The following CCDC178 variants were observed in gnomAD, a reference collection of about 807,000 sequenced individuals.
CCDC178 encodes coiled-coil domain-containing protein 178.
CCDC178 carries 126 observed loss-of-function variants against 117.4 expected under a neutral mutation model. The ratio of observed to expected loss-of-function variants is 1.07; its 90% confidence interval spans 0.93 to 1.24. CCDC178 has a LOEUF of 1.24. Ranked by LOEUF, CCDC178 falls within the 50% of genes most tolerant of loss-of-function variation. CCDC178 has a pLI of 0.00. For synonymous variants in CCDC178, 283 were observed against 313.4 expected, an observed-to-expected ratio of 0.90 and a Z score of 1.02; for missense variants, 1,030 against 986.9, an observed-to-expected ratio of 1.04 and a Z score of -0.59.
intron 21 of CCDC178, among the ~76,000 whole-genome samples, chr18:33,014,348 A>C (rs969952798): frequency 6.6e-6 from 1 of 152,250 alleles, no homozygotes; most frequent in Non-Finnish European, 1.5e-5. Context: ...TACAATCAGT[A>C]GGAACTGTTT....
At chr18:33,330,728 G>T (rs1401981063) in intron 10 of CCDC178, among the ~76,000 whole-genome samples, 1 of 152,064 alleles carries the variant, frequency 6.6e-6, no homozygotes, top group Non-Finnish European at 1.5e-5. Context: ...AAGACCCAGG[G>T]AAAGGTTGCT....
chr18:33,276,348 C>A (rs746615453), intron 12 of CCDC178, among the ~76,000 whole-genome samples: 23 of 151,920 alleles, frequency 1.5e-4, no homozygotes, highest in Non-Finnish European at 2.5e-4. Flanking sequence ...ATCTGAAGTA[C>A]AATTTTAGGA....
At chr18:32,979,460 A>G (rs1386933164) in intron 21 of CCDC178, among the ~76,000 whole-genome samples, 1 of 152,148 alleles carries the variant, frequency 6.6e-6, no homozygotes, top group African/African-American at 2.4e-5. Flanking sequence ...CGCCCGGTCC[A>G]TTTTTATAAA....
At chr18:33,306,284 C>T (rs1420133261) in intron 11 of CCDC178, among the ~76,000 whole-genome samples, 3 of 151,934 alleles carry the variant, frequency 2.0e-5, no homozygotes, top group Non-Finnish European at 4.4e-5. Flanking sequence ...TTGGGAAAAA[C>T]AGTTTGGCCA....
chr18:32,950,434 A>G (rs931722390), intron 22 of CCDC178, among the ~76,000 whole-genome samples: 7 of 152,264 alleles, frequency 4.6e-5, no homozygotes, highest in Non-Finnish European at 8.8e-5. Flanking sequence ...TGGCTTGAAA[A>G]CTATTGTTCC....
intron 9 of CCDC178, among the ~76,000 whole-genome samples, chr18:33,344,719 A>G (rs1216892587): frequency 7.3e-5 from 11 of 151,378 alleles, no homozygotes; most frequent in African/African-American, 4.9e-5. Context: ...TGTTGTTGTG[A>G]ACAGAGTCTA....
intron 20 of CCDC178, among the ~76,000 whole-genome samples, chr18:33,180,016 G>T (rs1278888338): frequency 6.6e-6 from 1 of 151,742 alleles, no homozygotes; most frequent in Non-Finnish European, 1.5e-5. Context: ...TTAGACATTT[G>T]CTTGGAGGCT....
At chr18:33,125,925 T>TATAC (rs2057999071) in intron 20 of CCDC178, among the ~76,000 whole-genome samples, 1 of 152,188 alleles carries the variant, frequency 6.6e-6, no homozygotes, top group South Asian at 2.1e-4. Flanking sequence ...AATGCCTGCT[T>TATAC]ATACAGGCCA....
At chr18:33,348,767 T>C in intron 8 of CCDC178, 123 bp downstream of exon 8, 1 of 662,138 alleles carries the variant, frequency 1.5e-6, no homozygotes, top group Non-Finnish European at 2.6e-6. Flanking sequence ...ATTTTGTCTA[T>C]TAAACATTCA....
chr18:33,363,231 T>C (rs949739218), intron 6 of CCDC178, among the ~76,000 whole-genome samples: 1 of 151,988 alleles, frequency 6.6e-6, no homozygotes, highest in African/African-American at 2.4e-5. Context: ...TTTTGGGGCA[T>C]GGAAGTAAAC....
In CCDC178 at chr18:33,218,190, A is replaced by G. The variant is rs572942278; in HGVS notation, c.1933-2495T>C. Among the ~76,000 whole-genome samples, 15 of 152,134 alleles carry G rather than the reference A, an allele frequency of 9.9e-5. No homozygotes were observed. In the South Asian group the frequency reaches 3.1e-3, roughly 32 times the overall value. ...ACAAATCCTATTGGAACCACATTTG[A>G]CATACATCTAGAGGACATATTACTA... On this transcript the variant is annotated intron_variant, in intron 18 of 22. Coordinates refer to ENST00000383096, the MANE Select transcript of CCDC178 (RefSeq NM_001105528.4).
At chr18:33,211,188 C>A (rs532348605) in intron 20 of CCDC178, among the ~76,000 whole-genome samples, 3 of 151,638 alleles carry the variant, frequency 2.0e-5, no homozygotes, top group African/African-American at 7.3e-5. Flanking sequence ...TAAAATACTA[C>A]GGAAAATATT....
At chr18:33,326,840 A>T (rs933971472) in intron 10 of CCDC178, among the ~76,000 whole-genome samples, 1 of 151,810 alleles carries the variant, frequency 6.6e-6, no homozygotes, top group South Asian at 2.1e-4. Context: ...CCTCCCAGGT[A>T]TTGGGTTGTG....
rs71159828 is a variant in CCDC178 at position 33,388,519 on chromosome 18, A to ATTTTTTTTTTTTTTTTTTTTT, written c.208+1020_208+1021insAAAAAAAAAAAAAAAAAAAAA. On this transcript the variant is annotated intron_variant, in intron 5 of 22. Transcript: ENST00000383096. ...AAATGTGGTACATATACACCACGGA[A>ATTTTTTTTTTTTTTTTTTTTT]TTTTTTTTTTTTTTTTTTGAGACGG... is the stretch of plus-strand genomic sequence containing the variant. Among the ~76,000 whole-genome samples, 30 of 65,268 alleles carry ATTTTTTTTTTTTTTTTTTTTT rather than the reference A, an allele frequency of 4.6e-4. 11 individuals are homozygous for ATTTTTTTTTTTTTTTTTTTTT. Among genetic ancestry groups the ATTTTTTTTTTTTTTTTTTTTT allele is most frequent in the African/African-American group, 1.7e-3 (27 of 15,862 alleles). The allele number at this position is 65,268 out of a possible 152,430, so 42.8% of individuals were successfully genotyped here. A position where few individuals can be genotyped will look rare whatever the true frequency, so the allele number is the denominator to read the frequency against.
At chr18:33,291,390 T>C (rs549858171) in intron 12 of CCDC178, among the ~76,000 whole-genome samples, 19 of 152,168 alleles carry the variant, frequency 1.2e-4, no homozygotes, top group Admixed American at 1.2e-3. Context: ...ACTCAGTATA[T>C]AGCAGGAAAA....
chr18:33,310,152 G>T (rs2062319076), intron 11 of CCDC178, among the ~76,000 whole-genome samples: 1 of 151,820 alleles, frequency 6.6e-6, no homozygotes, highest in Non-Finnish European at 1.5e-5. Context: ...CTAGAGATGG[G>T]GTTTCACCAT....
chr18:33,339,242 C>G (rs920858986), intron 9 of CCDC178, among the ~76,000 whole-genome samples: 30 of 151,608 alleles, frequency 2.0e-4, no homozygotes, highest in African/African-American at 7.3e-4. Context: ...TATGGGAAAT[C>G]AGAGGAAAAA....
intron 21 of CCDC178, among the ~76,000 whole-genome samples, chr18:33,049,845 G>A (rs2056713778): frequency 1.3e-5 from 2 of 151,846 alleles, no homozygotes; most frequent in South Asian, 2.1e-4. Flanking sequence ...CACTTTGGGA[G>A]GCCGAGGGGG....
intron 20 of CCDC178, among the ~76,000 whole-genome samples, chr18:33,129,507 C>T: frequency 6.6e-6 from 1 of 151,710 alleles, no homozygotes; most frequent in East Asian, 1.9e-4. Flanking sequence ...CACATCTGTT[C>T]CAATCACATA....
Sources: allele counts gnomAD v4.1 joint callset (sites outside exome capture counted in the v4.1 genomes callset), GRCh38; gene constraint gnomAD v4.1.1; transcripts MANE v1.5; gene names NCBI Gene and HGNC (gene_info 2026-07-23, HGNC 2026-07-21).